The following ERI3 variants were observed in gnomAD, a reference collection of about 807,000 sequenced individuals.
ERI3 encodes the protein ERI1 exoribonuclease 3.
ERI3 carries 18 observed loss-of-function variants against 44.4 expected under a neutral mutation model. That is an observed-to-expected ratio of 0.41 (90% confidence interval 0.28 to 0.60). The LOEUF is 0.60. Ranked by LOEUF, ERI3 falls within the 20% of genes least tolerant of loss-of-function variation. The probability of loss-of-function intolerance (pLI) is 0.36; values close to 1 mark genes in which losing one functional copy is unlikely to be tolerated. For synonymous variants in ERI3, 183 were observed against 164.8 expected (o/e 1.11, Z -0.84); for missense variants, 294 against 435.5 (o/e 0.68, Z 2.89).
chr1:44,314,154 G>GGT (rs1553195909), intron 4 of ERI3, among the ~76,000 whole-genome samples: 1 of 36,484 alleles, frequency 2.7e-5, no homozygotes, highest in Non-Finnish European at 7.4e-5. Flanking sequence ...AAAGTGTGTT[G>GGT]GGGGGGGGGA....
intron 8 of ERI3, among the ~76,000 whole-genome samples, chr1:44,232,391 A>T (rs990217120): frequency 1.3e-5 from 2 of 152,224 alleles, no homozygotes; most frequent in African/African-American, 2.4e-5. Flanking sequence ...GAAAAAGGCT[A>T]AAAGAATCAA....
At position 44,229,379 on chromosome 1, in the gene ERI3, G is replaced by C. The variant is rs374128029; in HGVS notation, c.932-7739C>G. Among the ~76,000 whole-genome samples the C allele has an allele frequency of 5.9e-5, 9 of 152,298 alleles. No individual in the cohort carries two copies. The East Asian group carries it at 1.5e-3, about 26-fold the overall frequency. On this transcript the variant is annotated intron_variant, in intron 8 of 8. Transcript: ENST00000372257. ...GGACACCACATCTTTCTGTGTTATT[G>C]CTTGTCTGCCATTTGCAAATCATTA...
At chr1:44,299,088 G>A (rs1224320530) in intron 6 of ERI3, among the ~76,000 whole-genome samples, 2 of 152,008 alleles carry the variant, frequency 1.3e-5, no homozygotes, top group East Asian at 3.8e-4. Flanking sequence ...ATCTTGACCT[G>A]GGTGGTAGTT....
At chr1:44,244,603 G>A (rs776245339) in intron 8 of ERI3, among the ~76,000 whole-genome samples, 1 of 152,088 alleles carries the variant, frequency 6.6e-6, no homozygotes, top group Admixed American at 6.5e-5. Context: ...TATTTCCAGG[G>A]CCGATGCACT....
chr1:44,230,244 C>T (rs1235991643), intron 8 of ERI3: 1 of 152,184 alleles, frequency 6.6e-6, no homozygotes, highest in African/African-American at 2.4e-5. Context: ...CTGGCCATTA[C>T]AGAGGATGCC....
At chr1:44,332,916 C>T (rs1646460363) in intron 3 of ERI3, among the ~76,000 whole-genome samples, 1 of 152,226 alleles carries the variant, frequency 6.6e-6, no homozygotes, top group Non-Finnish European at 1.5e-5. Context: ...CCATTCCCAC[C>T]ATCACTGGCC....
chr1:44,310,959 GCGCGCACACACA>G (rs1233202284), intron 5 of ERI3, among the ~76,000 whole-genome samples: 51 of 81,286 alleles, frequency 6.3e-4, no homozygotes, highest in Admixed American at 3.2e-3. Context: ...CATCGCGCGC[GCGCGCACACACA>G]CACACACACA....
At chr1:44,239,219 C>CT (rs1374412357) in intron 8 of ERI3, among the ~76,000 whole-genome samples, 2 of 152,070 alleles carry the variant, frequency 1.3e-5, no homozygotes, top group African/African-American at 4.8e-5. Context: ...ACAGTAGGTG[C>CT]TTATGTGCAA....
intron 2 of ERI3, among the ~76,000 whole-genome samples, chr1:44,347,775 TA>T (rs60789961): frequency 0.62 from 91,669 of 148,576 alleles, 29,338 homozygotes; most frequent in East Asian, 0.8. Flanking sequence ...GTGCATGTGT[TA>T]AAAAAAAAAA....
chr1:44,278,940 A>C (rs1469089484), intron 7 of ERI3, among the ~76,000 whole-genome samples: 2 of 152,214 alleles, frequency 1.3e-5, no homozygotes, highest in South Asian at 4.1e-4. Flanking sequence ...AAATTAAATA[A>C]AATTTAAAAT....
intron 8 of ERI3, among the ~76,000 whole-genome samples, chr1:44,236,904 C>G (rs574701343): frequency 1.3e-5 from 2 of 152,346 alleles, no homozygotes; most frequent in African/African-American, 4.8e-5. Flanking sequence ...ACTTGAGCAA[C>G]TGGTGATTTC....
chr1:44,319,887 ATT>A (rs1166413908), intron 3 of ERI3, 143 bp from the exon 4 acceptor site: 6 of 647,524 alleles, frequency 9.3e-6, no homozygotes, highest in Non-Finnish European at 1.7e-5. Flanking sequence ...CAAACCCAAG[ATT>A]GAGTGAGACG....
intron 7 of ERI3, among the ~76,000 whole-genome samples, chr1:44,265,508 A>T (rs1557801191): frequency 6.6e-6 from 1 of 152,352 alleles, no homozygotes; most frequent in East Asian, 1.9e-4. Context: ...AGTGACCCCT[A>T]TTCTCACGGA....
intron 3 of ERI3, among the ~76,000 whole-genome samples, chr1:44,320,517 ACG>A (rs1180049838): frequency 1.3e-5 from 2 of 152,230 alleles, no homozygotes; most frequent in Admixed American, 6.5e-5. Flanking sequence ...GCTGTGCAGC[ACG>A]CCTCATACAT....
chr1:44,352,082 T>C (rs1218057869), intron 2 of ERI3, among the ~76,000 whole-genome samples: 2 of 152,200 alleles, frequency 1.3e-5, no homozygotes, highest in African/African-American at 2.4e-5. Flanking sequence ...TGTTCACCAC[T>C]ACAATCCCAG....
chr1:44,353,024 G>A (rs1273149977), intron 1 of ERI3, 99 bp from the exon 2 acceptor site: 15 of 1,575,148 alleles, frequency 9.5e-6, no homozygotes, highest in Admixed American at 1.8e-5. Flanking sequence ...CTCAAACTTC[G>A]GGATAACTGC....
intron 2 of ERI3, among the ~76,000 whole-genome samples, chr1:44,352,465 A>G (rs1231336784): frequency 2.0e-5 from 3 of 149,424 alleles, no homozygotes; most frequent in Admixed American, 6.7e-5. Flanking sequence ...TAGATAGATA[A>G]ATGTTTAAAG....
intron 7 of ERI3, among the ~76,000 whole-genome samples, chr1:44,250,831 T>C (rs1379878570): frequency 1.3e-5 from 2 of 152,192 alleles, no homozygotes; most frequent in African/African-American, 4.8e-5. Context: ...CAGCGGGACC[T>C]TCACATACCA....
At chr1:44,325,654 T>C (rs1186206853) in intron 3 of ERI3, among the ~76,000 whole-genome samples, 2 of 152,130 alleles carry the variant, frequency 1.3e-5, no homozygotes, top group Non-Finnish European at 2.9e-5. Context: ...AGAGGGTTTA[T>C]AAATTCTGTT....
Sources: allele counts gnomAD v4.1 joint callset (sites outside exome capture counted in the v4.1 genomes callset), GRCh38; gene constraint gnomAD v4.1.1; transcripts MANE v1.5; gene names NCBI Gene and HGNC (gene_info 2026-07-23, HGNC 2026-07-21).